Variants in SMC1A observed in about 807,000 individuals in gnomAD.
SMC1A encodes the protein structural maintenance of chromosomes protein 1A.
In SMC1A, 4 loss-of-function variants were observed where a neutral mutation model predicts 94.5. That is an observed-to-expected ratio of 0.04 (90% confidence interval 0.02 to 0.10). SMC1A has a LOEUF of 0.10. Ranked by LOEUF, SMC1A falls within the 10% of genes least tolerant of loss-of-function variation. The pLI is 1.00. For missense variants in SMC1A, 304 were observed against 989.0 expected (o/e 0.31, Z 9.29); for synonymous variants, 345 against 347.7 (o/e 0.99, Z 0.09).
chrX:53,411,956 C>T, intron 6 of SMC1A, 39 bp downstream of exon 6: 1 of 1,210,961 alleles, frequency 8.3e-7, no homozygotes, highest in Non-Finnish European at 1.1e-6. Flanking sequence ...AGATGTCAGC[C>T]CAGGGATCTC....
chrX:53,402,799 G>A (rs1312889640), intron 15 of SMC1A, among the ~76,000 whole-genome samples: 2 of 89,445 alleles, frequency 2.2e-5, no homozygotes, highest in Middle Eastern at 6.8e-3. Flanking sequence ...AGCCCGGAAG[G>A]TGGAGAATGC....
chrX:53,409,341 G>A, intron 8 of SMC1A, 72 bp from the exon 9 acceptor site: 2 of 1,156,662 alleles, frequency 1.7e-6, no homozygotes. Flanking sequence ...AGCTCTGGGG[G>A]TCCTGCATGA....
chrX:53,416,695 G>A (rs1326825376), intron 1 of SMC1A, among the ~76,000 whole-genome samples: 1 of 106,916 alleles, frequency 9.4e-6, no homozygotes, highest in Admixed American at 1.0e-4. Context: ...TGGCCTGGGA[G>A]TTGTTTTTTA....
chrX:53,417,966 C>T (rs1351027206), intron 1 of SMC1A, among the ~76,000 whole-genome samples: 1 of 112,103 alleles, frequency 8.9e-6, no homozygotes, highest in Non-Finnish European at 1.9e-5. Context: ...GAAAAGGAAA[C>T]TAAGCAGCTA....
In SMC1A at chrX:53,422,616, G is replaced by A; in HGVS notation, c.-16C>T. 1.8e-6 allele frequency: 2 copies of A among 1,081,202 alleles called. No individual in the cohort carries two copies. The highest frequency in any genetic ancestry group is 2.6e-6 in the Non-Finnish European group (2 of 777,822). The allele number at this position is 1,081,202 out of a possible 1,213,427, so 89.1% of individuals were successfully genotyped here. A position where few individuals can be genotyped will look rare whatever the true frequency, so the allele number is the denominator to read the frequency against. On this transcript the variant is annotated 5_prime_UTR_variant, in exon 1 of 25. Transcript: ENST00000322213. ...GGAACCCCATGACGGCCGCGGCGCCGGCGGCAGTAGGACAGGCCGCGCCGT... is the reference window on the plus strand; with the variant it reads ...GGAACCCCATGACGGCCGCGGCGCCAGCGGCAGTAGGACAGGCCGCGCCGT...
chrX:53,402,396 T>C (rs1302826896), intron 15 of SMC1A, among the ~76,000 whole-genome samples: 1 of 110,274 alleles, frequency 9.1e-6, no homozygotes. Context: ...TGAGGAAAAA[T>C]GAGAAGATTA....
chrX:53,410,380 C>T (rs1393620348), intron 7 of SMC1A, among the ~76,000 whole-genome samples: 1 of 110,062 alleles, frequency 9.1e-6, no homozygotes, highest in African/African-American at 3.3e-5. Context: ...CACTTGAGTT[C>T]GGAAGTTCAA....
intron 22 of SMC1A, 95 bp downstream of exon 22, chrX:53,382,137 T>A: frequency 3.9e-6 from 4 of 1,014,192 alleles, no homozygotes; most frequent in Non-Finnish European, 5.6e-6. Context: ...CACCAAACCA[T>A]CACCTTCGCA....
intron 1 of SMC1A, among the ~76,000 whole-genome samples, chrX:53,421,411 C>T (rs2075755055): frequency 8.9e-6 from 1 of 112,349 alleles, no homozygotes; most frequent in South Asian, 3.7e-4. Context: ...TGTTGAGACA[C>T]TCAGTCTCCA....
chrX:53,389,135 CG>C (rs782076106), intron 19 of SMC1A, among the ~76,000 whole-genome samples: 3 of 82,995 alleles, frequency 3.6e-5, no homozygotes, highest in African/African-American at 1.3e-4. Context: ...TTTTTTTGGT[CG>C]GGGGGGTGAA....
intron 3 of SMC1A, 110 bp from the exon 4 acceptor site, chrX:53,413,545 C>A: frequency 1.5e-6 from 1 of 683,222 alleles, no homozygotes; most frequent in South Asian, 2.3e-5. Context: ...CTCCCATGCC[C>A]CTGCTGCCAC....
chrX:53,391,577 A>G (rs1379450632), intron 19 of SMC1A, among the ~76,000 whole-genome samples: 14 of 111,370 alleles, frequency 1.3e-4, no homozygotes, highest in African/African-American at 4.2e-4. Flanking sequence ...CCCAGGCTAC[A>G]GCGCACTGGT....
intron 18 of SMC1A, among the ~76,000 whole-genome samples, chrX:53,395,485 G>C (rs1556887895): frequency 8.9e-6 from 1 of 112,488 alleles, no homozygotes; most frequent in Admixed American, 9.4e-5. Context: ...TCTGTGGTTA[G>C]GATTGGGGTA....
Position 53,376,017 on chromosome X carries a change from CTGTTT to C in SMC1A, c.*4081_*4085del, listed in dbSNP as rs1401274086. ...TTCATTCAAAAACTTTACTGGGTGC[CTGTTT>C]TGTGTCAGGCACTGTGCTTTTTTGC... is the stretch of plus-strand genomic sequence containing the variant. On this transcript the variant is annotated 3_prime_UTR_variant, in exon 25 of 25. Transcript: ENST00000322213. 2 of 112,660 alleles carry C rather than the reference CTGTTT, an allele frequency of 1.8e-5. No individual in the cohort carries two copies. Among genetic ancestry groups the C allele is most frequent in the Non-Finnish European group, 3.8e-5 (2 of 53,261 alleles). 9.3% of individuals were successfully genotyped at this position (112,660 alleles called of 1,213,427 possible). A position where few individuals can be genotyped will look rare whatever the true frequency, so the allele number is the denominator to read the frequency against.
At chrX:53,402,868 C>CA (rs151144282) in intron 15 of SMC1A, among the ~76,000 whole-genome samples, 184 of 10,082 alleles carry the variant, frequency 0.018, 29 homozygotes, top group Admixed American at 0.04. Flanking sequence ...GACTCTGTCT[C>CA]AAAAAAAAAA....
chrX:53,402,464 C>T (rs1556889037), intron 15 of SMC1A, among the ~76,000 whole-genome samples: 2 of 109,358 alleles, frequency 1.8e-5, no homozygotes, highest in Non-Finnish European at 3.8e-5. Flanking sequence ...CTCCACCTCA[C>T]GTTGCCCATT....
At chrX:53,386,758 T>C (rs2075605842) in intron 19 of SMC1A, among the ~76,000 whole-genome samples, 1 of 111,038 alleles carries the variant, frequency 9.0e-6, no homozygotes, top group South Asian at 3.7e-4. Flanking sequence ...AAATTAAAGC[T>C]GGAAAAAAAA....
At chrX:53,396,431 C>T in intron 17 of SMC1A, 41 bp downstream of exon 17, 1 of 1,211,178 alleles carries the variant, frequency 8.3e-7, no homozygotes. Context: ...AGGCTGCCTG[C>T]TCTATCTACG....
At chrX:53,389,586 C>A (rs1374744927) in intron 19 of SMC1A, among the ~76,000 whole-genome samples, 1 of 110,314 alleles carries the variant, frequency 9.1e-6, no homozygotes, top group Non-Finnish European at 1.9e-5. Context: ...AACAATTAGC[C>A]GGGCATGGTG....
Sources: allele counts gnomAD v4.1 joint callset (sites outside exome capture counted in the v4.1 genomes callset), GRCh38; gene constraint gnomAD v4.1.1; transcripts MANE v1.5; gene names NCBI Gene and HGNC (gene_info 2026-07-23, HGNC 2026-07-21).